Variants in KCNIP3 observed in about 807,000 individuals in gnomAD.
KCNIP3 encodes the protein potassium voltage-gated channel interacting protein 3.
A neutral mutation model predicts 35.0 loss-of-function variants in KCNIP3; 28 were observed. The observed-to-expected ratio is 0.80, with a 90% CI of 0.59 to 1.10. The LOEUF is 1.10. Ranked by LOEUF, KCNIP3 falls within the 50% of genes least tolerant of loss-of-function variation. The probability of loss-of-function intolerance (pLI) is 0.00; values close to 1 mark genes in which losing one functional copy is unlikely to be tolerated. For missense variants in KCNIP3, 295 were observed against 338.4 expected (o/e 0.87, Z 1.01); for synonymous variants, 134 against 133.8 (o/e 1.00, Z -0.01).
chr2:95,325,730 T>C lies in KCNIP3; in HGVS notation c.181+15210T>C, dbSNP rs189190428. Among the ~76,000 whole-genome samples, 30 of 140,348 alleles carry C rather than the reference T, an allele frequency of 2.1e-4. No homozygotes were observed. The South Asian group carries it at 4.7e-3, about 22-fold the overall frequency. The allele number at this position is 140,348 out of a possible 152,430, so 92.1% of individuals were successfully genotyped here. A position where few individuals can be genotyped will look rare whatever the true frequency, so the allele number is the denominator to read the frequency against. On this transcript the variant is annotated intron_variant, in intron 2 of 8. Transcript: ENST00000295225. ...ACACACAGTCATACACTTATACACA[T>C]ACACACTCATACACACGCACTCATA...
Position 95,378,515 on chromosome 2 carries a change from AC to A in KCNIP3, c.448-3079del, listed in dbSNP as rs1680258325. 6.6e-6 allele frequency among the ~76,000 whole-genome samples: 1 copy of A among 150,946 alleles called. No individual in the cohort carries two copies. Among genetic ancestry groups the A allele is most frequent in the Non-Finnish European group, 1.5e-5 (1 of 67,818 alleles). On this transcript the variant is annotated intron_variant, in intron 5 of 8. Transcript: ENST00000295225. The surrounding 1 kb of genome is among the most constrained non-coding windows in gnomAD (Gnocchi z 4.0). ...TTTGAGAGGCCAAGGCGGTCAGATC[AC>A]CTGAGGTCAGGAGTTTGAGACAAGC... is the stretch of plus-strand genomic sequence containing the variant.
At chr2:95,343,503 A>ATGG (rs977860576) in intron 2 of KCNIP3, among the ~76,000 whole-genome samples, 3 of 152,126 alleles carry the variant, frequency 2.0e-5, no homozygotes, top group African/African-American at 4.8e-5. Flanking sequence ...TTTTCACGGA[A>ATGG]TGGGTCCCTC....
chr2:95,327,770 C>G (rs983104603), intron 2 of KCNIP3, among the ~76,000 whole-genome samples: 1 of 152,196 alleles, frequency 6.6e-6, no homozygotes, highest in Non-Finnish European at 1.5e-5. Context: ...GTTTGTCCAT[C>G]TATCCGTCCA....
chr2:95,299,376 G>A (rs1244401831), intron 1 of KCNIP3, among the ~76,000 whole-genome samples: 1 of 152,226 alleles, frequency 6.6e-6, no homozygotes, highest in Non-Finnish European at 1.5e-5. Context: ...AGCAGGGACT[G>A]TAGTCAGAGC....
At position 95,377,491 on chromosome 2, in the gene KCNIP3, C is replaced by A. The variant is rs1680235478; in HGVS notation, c.447+2283C>A. 6.6e-6 allele frequency among the ~76,000 whole-genome samples: 1 copy of A among 152,242 alleles called. No homozygotes were observed. The highest frequency in any genetic ancestry group is 1.5e-5 in the Non-Finnish European group (1 of 68,042). On this transcript the variant is annotated intron_variant, in intron 5 of 8. Coordinates refer to ENST00000295225, the MANE Select transcript of KCNIP3 (RefSeq NM_013434.5). This position sits in a 1 kb window ranked among gnomAD's most constrained non-coding sequence, Gnocchi z 4.7. ...AGACCCTCCTGTGCACTCTTGTGCA[C>A]CTTCACCTGGAAGTATGCTGTGTCA...
At chr2:95,314,868 C>T (rs1432329461) in intron 2 of KCNIP3, among the ~76,000 whole-genome samples, 1 of 152,214 alleles carries the variant, frequency 6.6e-6, no homozygotes, top group Non-Finnish European at 1.5e-5. Context: ...TCCCGGGCTC[C>T]GGGCTTGTTC....
intron 1 of KCNIP3, among the ~76,000 whole-genome samples, chr2:95,302,757 G>A (rs1225555446): frequency 1.3e-5 from 2 of 152,156 alleles, no homozygotes; most frequent in Non-Finnish European, 2.9e-5. Flanking sequence ...GTTGGCCACA[G>A]ACCCCTCCCA....
intron 2 of KCNIP3, among the ~76,000 whole-genome samples, chr2:95,326,104 T>TAC (rs1192923872): frequency 2.0e-5 from 3 of 151,290 alleles, no homozygotes; most frequent in Admixed American, 6.6e-5. Flanking sequence ...TACACACATA[T>TAC]ACACATACAC....
chr2:95,327,194 C>A (rs527828998), intron 2 of KCNIP3, among the ~76,000 whole-genome samples: 1 of 152,166 alleles, frequency 6.6e-6, no homozygotes, highest in Admixed American at 6.5e-5. Flanking sequence ...AAGGTCTCTG[C>A]GAGTCCTGAT....
At chr2:95,331,276 C>T (rs1573495580) in intron 2 of KCNIP3, among the ~76,000 whole-genome samples, 1 of 152,060 alleles carries the variant, frequency 6.6e-6, no homozygotes, top group Non-Finnish European at 1.5e-5. Flanking sequence ...TGCGTGAGAA[C>T]GAGAGGAGTC....
At chr2:95,304,217 T>C (rs1004633580) in intron 1 of KCNIP3, among the ~76,000 whole-genome samples, 1 of 152,256 alleles carries the variant, frequency 6.6e-6, no homozygotes, top group Non-Finnish European at 1.5e-5. Flanking sequence ...TGCTATTGTT[T>C]CTTATTATTT....
chr2:95,353,216 G>A (rs747062211), intron 2 of KCNIP3, among the ~76,000 whole-genome samples: 16 of 152,192 alleles, frequency 1.1e-4, no homozygotes, highest in Non-Finnish European at 1.9e-4. Context: ...CAAGGCCCTG[G>A]GAAGAGAAAG....
rs560777807 is a variant in KCNIP3, at chr2:95,374,189, A to G, written c.182-107A>G. On this transcript the variant is annotated intron_variant, in intron 2 of 8. Coordinates refer to ENST00000295225, the MANE Select transcript of KCNIP3 (RefSeq NM_013434.5). ...GTGGCTGTCCATGGTAGTCATGCAA[A>G]GAGAGTTCCTCCACCTGCTATTTTG... is the stretch of plus-strand genomic sequence containing the variant. 52 of 1,395,666 alleles carry G rather than the reference A, an allele frequency of 3.7e-5. 3 individuals carry two copies. The South Asian group carries it at 4.9e-4, about 13-fold the overall frequency. The allele number at this position is 1,395,666 out of a possible 1,614,324, so 86.5% of individuals were successfully genotyped here. A position where few individuals can be genotyped will look rare whatever the true frequency, so the allele number is the denominator to read the frequency against.
chr2:95,358,958 C>A (rs1420782855), intron 2 of KCNIP3, among the ~76,000 whole-genome samples: 4 of 152,112 alleles, frequency 2.6e-5, no homozygotes, highest in Non-Finnish European at 1.5e-5. Context: ...CACAGTCAGA[C>A]CCCCCTTTCA....
chr2:95,315,410 C>T (rs932628736), intron 2 of KCNIP3, among the ~76,000 whole-genome samples: 7 of 152,202 alleles, frequency 4.6e-5, no homozygotes, highest in South Asian at 4.1e-4. Flanking sequence ...CCCACCTGAT[C>T]GTCCAGTGCC....
At chr2:95,301,091 CCT>C (rs1225227276) in intron 1 of KCNIP3, among the ~76,000 whole-genome samples, 2 of 151,342 alleles carry the variant, frequency 1.3e-5, no homozygotes, top group East Asian at 3.9e-4. Context: ...GTCGTGGGAT[CCT>C]CTCTCAAGAT....
At chr2:95,349,284 G>A (rs1413564852) in intron 2 of KCNIP3, among the ~76,000 whole-genome samples, 2 of 152,276 alleles carry the variant, frequency 1.3e-5, no homozygotes, top group Middle Eastern at 3.4e-3. Flanking sequence ...ACTGGGGGCC[G>A]GAAGGGGACT....
chr2:95,354,430 C>G (rs1223417994), intron 2 of KCNIP3, among the ~76,000 whole-genome samples: 1 of 152,234 alleles, frequency 6.6e-6, no homozygotes, highest in East Asian at 1.9e-4. Context: ...TTTACAGTAG[C>G]TCTGGGACGG....
intron 2 of KCNIP3, chr2:95,311,449 C>T (rs1353617102): frequency 1.3e-5 from 2 of 152,224 alleles, no homozygotes; most frequent in South Asian, 2.1e-4. Context: ...TCTCTTGGAC[C>T]CTCTCTAGCT....
Sources: gnomAD v4.1 joint callset for allele counts (sites outside exome capture counted in the v4.1 genomes callset) on GRCh38, gnomAD v4.1.1 for gene constraint, Gnocchi (gnomAD v3.1) non-coding constraint, MANE v1.5 for transcripts, NCBI Gene and HGNC (gene_info 2026-07-23, HGNC 2026-07-21) for gene names.